ZNF713: variants seen among roughly 807,000 people sequenced by gnomAD.
The protein encoded by ZNF713 is zinc finger protein 713.
A neutral mutation model predicts 28.7 loss-of-function variants in ZNF713; 21 were observed. The observed-to-expected ratio is 0.73, with a 90% CI of 0.52 to 1.05. The LOEUF is 1.05. Ranked by LOEUF, ZNF713 falls within the 50% of genes least tolerant of loss-of-function variation. ZNF713 has a pLI of 0.00. For synonymous variants in ZNF713, 167 were observed against 178.0 expected (o/e 0.94, Z 0.49); for missense variants, 458 against 532.4 (o/e 0.86, Z 1.37).
In ZNF713 at chr7:55,938,986, A is replaced by T. The variant is rs770829964; in HGVS notation, c.312A>T (p.Gly104=). The change falls in exon 7 of 7, where the codon GGA becomes GGT. Residue 104 remains glycine (G), a synonymous_variant. Coordinates refer to ENST00000429591, the MANE Select transcript of ZNF713 (RefSeq NM_182633.3). ...RDSLLDTHPD[G]ENRPEIKKST... is the part of the protein sequence containing the mutation. ...TATGTTCTGAATTTCTTTTAGATGG[A>T]GAAAACAGACCCGAAATCAAAAAGT... is the stretch of plus-strand genomic sequence containing the variant. 2.5e-6 allele frequency: 4 copies of T among 1,573,138 alleles called. No individual in the cohort carries two copies. The African/African-American group carries it at 5.5e-5, about 22-fold the overall frequency.
chr7:55,906,758 G>A (rs770877579), intron 2 of ZNF713, among the ~76,000 whole-genome samples: 22 of 152,134 alleles, frequency 1.4e-4, no homozygotes, highest in Non-Finnish European at 2.6e-4. Flanking sequence ...CTTATGGGGC[G>A]TCCTCTCGTA....
At chr7:55,937,929 C>T (rs1786385895) in intron 6 of ZNF713, among the ~76,000 whole-genome samples, 1 of 151,008 alleles carries the variant, frequency 6.6e-6, no homozygotes, top group African/African-American at 2.4e-5. Flanking sequence ...AGAGGCCGGG[C>T]ACGGTGGCTC....
chr7:55,933,549 G>T (rs975301851), intron 6 of ZNF713, among the ~76,000 whole-genome samples: 1 of 151,950 alleles, frequency 6.6e-6, no homozygotes, highest in Non-Finnish European at 1.5e-5. Context: ...CACCCAACTC[G>T]GCCTCCCAAA....
At chr7:55,936,492 G>A (rs1786349794) in intron 6 of ZNF713, among the ~76,000 whole-genome samples, 2 of 152,112 alleles carry the variant, frequency 1.3e-5, no homozygotes, top group South Asian at 4.1e-4. Flanking sequence ...TCCCAATTAA[G>A]ACAATAATTA....
chr7:55,933,982 G>A (rs1007273230), intron 6 of ZNF713, among the ~76,000 whole-genome samples: 14 of 152,160 alleles, frequency 9.2e-5, no homozygotes, highest in Admixed American at 6.5e-4. Flanking sequence ...TGGGATTACA[G>A]GCAAGAGCCA....
chr7:55,940,615 C>A lies in ZNF713; in HGVS notation c.*609C>A, dbSNP rs1035618256. 1.5e-5 allele frequency: 14 copies of A among 933,200 alleles called. No homozygotes were observed. The highest frequency in any genetic ancestry group is 1.1e-3 in the Middle Eastern group (2 of 1,838). The allele number at this position is 933,200 out of a possible 1,614,324, so 57.8% of individuals were successfully genotyped here. On this transcript the variant is annotated 3_prime_UTR_variant, in exon 7 of 7. Coordinates refer to ENST00000429591, the MANE Select transcript of ZNF713 (RefSeq NM_182633.3). The stretch of plus-strand genomic sequence containing the variant: ...CCTTATCCAGGCATGGTGGTGCACA[C>A]CTGCAATCCCAGCTACTCTGGAGAC...
chr7:55,919,490 GTTTTTTTTTTTTTTTT>G (rs55656709), intron 4 of ZNF713, among the ~76,000 whole-genome samples: 29,079 of 67,128 alleles, frequency 0.43, 4,133 homozygotes, highest in South Asian at 0.54. Flanking sequence ...AAACACTCCA[GTTTTTTTTTTTTTTTT>G]TTTTTTTTTT....
At chr7:55,889,036 C>A (rs1785330726) in intron 1 of ZNF713, among the ~76,000 whole-genome samples, 1 of 151,964 alleles carries the variant, frequency 6.6e-6, no homozygotes, top group African/African-American at 2.4e-5. Flanking sequence ...CAGAATCAGA[C>A]CTTGTCTCAA....
intron 1 of ZNF713, among the ~76,000 whole-genome samples, chr7:55,895,167 G>C (rs926756542): frequency 1.3e-5 from 2 of 152,096 alleles, no homozygotes; most frequent in Non-Finnish European, 1.5e-5. Context: ...AAGTTAGAAG[G>C]GAATGGCAGT....
Position 55,892,291 on chromosome 7 carries a change from A to C in ZNF713, c.-583+4611A>C, listed in dbSNP as rs973790156. 6.0e-5 allele frequency among the ~76,000 whole-genome samples: 9 copies of C among 149,210 alleles called. No homozygotes were observed. In the South Asian group the frequency reaches 1.1e-3, roughly 18 times the overall value. ...AGACTCCATCTCAAAAAAAAAAAAA[A>C]AAAAAAAAAAAAACCCCAGGAACAA... On this transcript the variant is annotated intron_variant, in intron 1 of 6. Transcript: ENST00000429591.
At chr7:55,897,117 T>G (rs1785487214) in intron 1 of ZNF713, among the ~76,000 whole-genome samples, 1 of 152,004 alleles carries the variant, frequency 6.6e-6, no homozygotes, top group Non-Finnish European at 1.5e-5. Context: ...ACTAAATTAG[T>G]AAGAGGGAAA....
intron 1 of ZNF713, among the ~76,000 whole-genome samples, chr7:55,894,184 C>G (rs1785435471): frequency 6.6e-6 from 1 of 152,168 alleles, no homozygotes; most frequent in South Asian, 2.1e-4. Flanking sequence ...GAACATGTCC[C>G]ATGGCCTCAG....
At chr7:55,935,657 TAAGA>T (rs1786330091) in intron 6 of ZNF713, among the ~76,000 whole-genome samples, 1 of 151,968 alleles carries the variant, frequency 6.6e-6, no homozygotes, top group African/African-American at 2.4e-5. Flanking sequence ...AGCAAGGCTA[TAAGA>T]AAGATCTAAC....
intron 4 of ZNF713, among the ~76,000 whole-genome samples, chr7:55,918,925 C>T (rs1265548872): frequency 4.6e-5 from 7 of 151,476 alleles, no homozygotes; most frequent in African/African-American, 1.2e-4. Flanking sequence ...ACCCGGGAGG[C>T]GGAGGTTGCA....
rs1785945405 is a variant in ZNF713 at position 55,919,490 on chromosome 7, G to GTTTTTTTTGTTTTT, written c.88-3664_88-3663insGTTTTTTTTTTTTT. On this transcript the variant is annotated intron_variant, in intron 4 of 6. Coordinates refer to ENST00000429591, the MANE Select transcript of ZNF713 (RefSeq NM_182633.3). ...GCTGGATAAATTGGTAAACACTCCA[G>GTTTTTTTTGTTTTT]TTTTTTTTTTTTTTTTTTTTTTTTT... Among the ~76,000 whole-genome samples, 18 of 66,772 alleles carry GTTTTTTTTGTTTTT rather than the reference G, an allele frequency of 2.7e-4. 2 individuals are homozygous for GTTTTTTTTGTTTTT. Among genetic ancestry groups the GTTTTTTTTGTTTTT allele is most frequent in the Middle Eastern group, 7.0e-3 (1 of 142 alleles). The allele number at this position is 66,772 out of a possible 152,430, so 43.8% of individuals were successfully genotyped here.
intron 4 of ZNF713, among the ~76,000 whole-genome samples, chr7:55,918,926 G>C (rs573556505): frequency 2.4e-3 from 372 of 152,098 alleles, no homozygotes; most frequent in Non-Finnish European, 4.2e-3. Flanking sequence ...CCCGGGAGGC[G>C]GAGGTTGCAG....
At chr7:55,901,386 C>G (rs1360888939) in intron 1 of ZNF713, among the ~76,000 whole-genome samples, 1 of 152,164 alleles carries the variant, frequency 6.6e-6, no homozygotes, top group Non-Finnish European at 1.5e-5. Context: ...CCCACTGGGT[C>G]CCTCCCACAA....
intron 4 of ZNF713, among the ~76,000 whole-genome samples, chr7:55,919,618 G>A (rs767816393): frequency 6.9e-5 from 10 of 145,644 alleles, no homozygotes; most frequent in Admixed American, 2.1e-4. Flanking sequence ...CAATTCTCCT[G>A]CCCCAGCCTC....
intron 1 of ZNF713, among the ~76,000 whole-genome samples, chr7:55,902,538 C>T (rs1785597069): frequency 6.6e-6 from 1 of 152,100 alleles, no homozygotes; most frequent in African/African-American, 2.4e-5. Context: ...ATCAAAATGG[C>T]GTTGATGGTA....
Sources: gnomAD v4.1 joint callset for allele counts (sites outside exome capture counted in the v4.1 genomes callset) on GRCh38, gnomAD v4.1.1 for gene constraint, MANE v1.5 for transcripts, NCBI Gene and HGNC (gene_info 2026-07-23, HGNC 2026-07-21) for gene names.